Variants in SCML4 observed in about 807,000 individuals in gnomAD.
SCML4 encodes Scm polycomb group protein like 4.
SCML4 carries 34 observed loss-of-function variants against 41.1 expected under a neutral mutation model. The ratio of observed to expected loss-of-function variants is 0.83; its 90% CI spans 0.63 to 1.10. The LOEUF (loss-of-function observed/expected upper bound fraction) is 1.10, where lower values mean the gene tolerates loss of function less well. Ranked by LOEUF, SCML4 falls within the 50% of genes least tolerant of loss-of-function variation. The pLI, the probability that SCML4 is intolerant of heterozygous loss-of-function variation, is 0.00. For synonymous variants in SCML4, 214 were observed against 220.9 expected (o/e 0.97, Z 0.28); for missense variants, 522 against 534.1 (o/e 0.98, Z 0.22).
chr6:107,757,488 G>C (rs1779211715), intron 2 of SCML4, among the ~76,000 whole-genome samples: 1 of 152,178 alleles, frequency 6.6e-6, no homozygotes, highest in African/African-American at 2.4e-5. Flanking sequence ...CATCCGCAGA[G>C]GGTAAGCCAA....
chr6:107,752,242 T>C (rs1778757222), intron 2 of SCML4, among the ~76,000 whole-genome samples: 1 of 151,360 alleles, frequency 6.6e-6, no homozygotes. Context: ...GAGGATAGAG[T>C]GGAGGGGGCT....
chr6:107,796,354 T>G (rs980899246), intron 1 of SCML4, among the ~76,000 whole-genome samples: 1 of 152,172 alleles, frequency 6.6e-6, no homozygotes, highest in African/African-American at 2.4e-5. Context: ...TTTTAGCAAT[T>G]CTAGTGGGTG....
the SCML4 span, among the ~76,000 whole-genome samples, chr6:107,837,830 T>C: frequency 2.0e-5 from 3 of 152,178 alleles, no homozygotes; most frequent in African/African-American, 7.2e-5. Context: ...GGACAAGCTA[T>C]TTGGCTTACA....
intron 5 of SCML4, among the ~76,000 whole-genome samples, chr6:107,722,257 C>A (rs1474939874): frequency 2.0e-5 from 3 of 151,978 alleles, no homozygotes; most frequent in Non-Finnish European, 4.4e-5. Context: ...GATTACAGTC[C>A]TATACTTTTA....
chr6:107,724,697 C>T (rs953368717), intron 5 of SCML4, among the ~76,000 whole-genome samples: 2 of 152,088 alleles, frequency 1.3e-5, no homozygotes, highest in African/African-American at 4.8e-5. Context: ...GGTGGCAATT[C>T]CCCTCAAATT....
chr6:107,840,884 A>G, the SCML4 span, among the ~76,000 whole-genome samples: 1 of 152,152 alleles, frequency 6.6e-6, no homozygotes, highest in African/African-American at 2.4e-5. Flanking sequence ...TCTACCATGC[A>G]TAGCAGAGCA....
chr6:107,751,134 T>TG (rs1562217946), intron 2 of SCML4, among the ~76,000 whole-genome samples: 1 of 152,060 alleles, frequency 6.6e-6, no homozygotes, highest in African/African-American at 2.4e-5. Context: ...GATATTCTGT[T>TG]GGGGGGAGAC....
chr6:107,786,338 G>A (rs187237492), intron 1 of SCML4, among the ~76,000 whole-genome samples: 11 of 152,300 alleles, frequency 7.2e-5, no homozygotes, highest in African/African-American at 2.6e-4. Context: ...TGAAATGTGA[G>A]TGGTTTCCCC....
At chr6:107,738,395 G>T (rs1247089812) in intron 5 of SCML4, among the ~76,000 whole-genome samples, 1 of 152,098 alleles carries the variant, frequency 6.6e-6, no homozygotes, top group Non-Finnish European at 1.5e-5. Context: ...GCCGAAGCGG[G>T]CAGATCACCT....
In SCML4 at chr6:107,749,703, C is replaced by A; in HGVS notation, c.267G>T (p.Ala89=). Residue 89 remains alanine, a synonymous_variant, in exon 3 of 8, where the codon GCG becomes GCT. Transcript: ENST00000369020. ...ACCTACCTGTGAGAGCCTGTGGGGCCGCCAAGCTGGGGACCGTGGCTGCGT... is the reference window on the plus strand; with the variant it reads ...ACCTACCTGTGAGAGCCTGTGGGGCAGCCAAGCTGGGGACCGTGGCTGCGT... ...PQDAATVPSL[A]APQALTVCLY... is the part of the protein sequence containing the mutation. The A allele has an allele frequency of 6.2e-7, 1 of 1,613,950 alleles. No individual in the cohort carries two copies. The highest frequency in any genetic ancestry group is 1.1e-5 in the South Asian group (1 of 91,060).
At chr6:107,790,478 CA>C (rs1406907844) in intron 1 of SCML4, among the ~76,000 whole-genome samples, 5 of 152,122 alleles carry the variant, frequency 3.3e-5, no homozygotes, top group African/African-American at 1.2e-4. Flanking sequence ...AGCCAGCAAA[CA>C]GGGGCTTACC....
At chr6:107,755,665 C>CAA in intron 2 of SCML4, 2 of 1,070,048 alleles carry the variant, frequency 1.9e-6, no homozygotes, top group Admixed American at 3.5e-5. Context: ...CCTTAGGTTT[C>CAA]TAAAAAAAAA....
At chr6:107,784,569 G>T (rs1225216467) in intron 1 of SCML4, among the ~76,000 whole-genome samples, 1 of 152,176 alleles carries the variant, frequency 6.6e-6, no homozygotes, top group Non-Finnish European at 1.5e-5. Context: ...GTGGGGAGAG[G>T]AAATGAGGTT....
intron 2 of SCML4, among the ~76,000 whole-genome samples, chr6:107,752,478 C>T (rs1045762967): frequency 2.6e-5 from 4 of 151,870 alleles, no homozygotes; most frequent in Non-Finnish European, 4.4e-5. Flanking sequence ...GAGAAGGATC[C>T]AAACACTGAG....
intron 5 of SCML4, among the ~76,000 whole-genome samples, chr6:107,734,371 C>A (rs1391189664): frequency 6.6e-6 from 1 of 152,272 alleles, no homozygotes; most frequent in South Asian, 2.1e-4. Context: ...TACTCTAGTT[C>A]ATATTGAAGA....
At chr6:107,843,078 A>T in the SCML4 span, among the ~76,000 whole-genome samples, 1 of 152,142 alleles carries the variant, frequency 6.6e-6, no homozygotes, top group Non-Finnish European at 1.5e-5. Context: ...TATGCATGCA[A>T]TCAAAATACC....
chr6:107,834,403 C>T, the SCML4 span, among the ~76,000 whole-genome samples: 3 of 152,320 alleles, frequency 2.0e-5, no homozygotes, highest in South Asian at 2.1e-4. Flanking sequence ...AGATCCACAG[C>T]CCCTGGCTCT....
At chr6:107,723,474 C>A (rs1455176878) in intron 5 of SCML4, among the ~76,000 whole-genome samples, 1 of 152,052 alleles carries the variant, frequency 6.6e-6, no homozygotes, top group East Asian at 1.9e-4. Flanking sequence ...CACTTTCACA[C>A]CACCATAAAG....
chr6:107,765,370 A>G (rs923241470), intron 2 of SCML4, among the ~76,000 whole-genome samples: 5 of 152,104 alleles, frequency 3.3e-5, no homozygotes, highest in Non-Finnish European at 1.5e-5. Context: ...ATGAGAGAGG[A>G]TTGTTACATC....
Sources: gnomAD v4.1 joint callset for allele counts (sites outside exome capture counted in the v4.1 genomes callset) on GRCh38, gnomAD v4.1.1 for gene constraint, MANE v1.5 for transcripts, NCBI Gene and HGNC (gene_info 2026-07-23, HGNC 2026-07-21) for gene names.